CDH20: variants seen among roughly 807,000 people sequenced by gnomAD.
CDH20 encodes the protein cadherin-20.
CDH20 carries 29 observed loss-of-function variants against 74.2 expected under a neutral mutation model. That is an observed-to-expected ratio of 0.39 (90% CI 0.29 to 0.53). The LOEUF (loss-of-function observed/expected upper bound fraction) is 0.53, where lower values mean the gene tolerates loss of function less well. Among genes scored for constraint, CDH20 ranks in the 20% least tolerant of loss-of-function variants. The pLI is 0.69. For missense variants in CDH20, 988 were observed against 1,048.3 expected (o/e 0.94, Z 0.79); for synonymous variants, 469 against 405.4 (o/e 1.16, Z -1.88).
chr18:61,488,099 C>T (rs1223570155), intron 1 of CDH20, among the ~76,000 whole-genome samples: 5 of 136,048 alleles, frequency 3.7e-5, no homozygotes, highest in East Asian at 2.5e-4. Flanking sequence ...TATATATGTA[C>T]GTATATATGT....
chr18:61,418,426 C>T (rs916741360), intron 1 of CDH20, among the ~76,000 whole-genome samples: 5 of 151,786 alleles, frequency 3.3e-5, no homozygotes, highest in South Asian at 4.2e-4. Context: ...AGGTCGTGGG[C>T]GCCTGTAGTC....
intron 3 of CDH20, 102 bp downstream of exon 3, chr18:61,499,582 T>C: frequency 1.0e-6 from 1 of 978,660 alleles, no homozygotes; most frequent in South Asian, 1.8e-5. Context: ...ACACATATAT[T>C]CAGAACAGGA....
chr18:61,532,766 C>T (rs1394604014), intron 7 of CDH20, among the ~76,000 whole-genome samples: 2 of 152,160 alleles, frequency 1.3e-5, no homozygotes, highest in Non-Finnish European at 2.9e-5. Context: ...TCCAAAATTG[C>T]TGCTTCTCCG....
At chr18:61,360,172 A>T (rs62098066) in intron 1 of CDH20, among the ~76,000 whole-genome samples, 10,550 of 152,240 alleles carry the variant, frequency 0.069, 468 homozygotes, top group Non-Finnish European at 0.1. Flanking sequence ...TGGAGCCTGG[A>T]AACCCACATT....
intron 10 of CDH20, among the ~76,000 whole-genome samples, chr18:61,546,870 C>A (rs189370258): frequency 6.6e-6 from 1 of 152,188 alleles, no homozygotes; most frequent in African/African-American, 2.4e-5. Flanking sequence ...ATTTATCTCA[C>A]GAGTATCCTT....
At chr18:61,419,426 T>C (rs1369218402) in intron 1 of CDH20, among the ~76,000 whole-genome samples, 1 of 152,208 alleles carries the variant, frequency 6.6e-6, no homozygotes, top group African/African-American at 2.4e-5. Flanking sequence ...TTTGTGTATA[T>C]TCATTTGTGT....
chr18:61,384,095 C>T (rs537469613), intron 1 of CDH20, among the ~76,000 whole-genome samples: 2 of 152,248 alleles, frequency 1.3e-5, no homozygotes, highest in East Asian at 1.9e-4. Flanking sequence ...TGGTGGTTCT[C>T]GAATTTTTAC....
chr18:61,527,925 G>C, intron 6 of CDH20, 42 bp from the exon 7 acceptor site: 1 of 1,606,480 alleles, frequency 6.2e-7, no homozygotes, highest in Non-Finnish European at 8.5e-7. Flanking sequence ...TTTGAATCTT[G>C]AACCTCAGTG....
chr18:61,496,619 C>CG (rs1372237502), intron 2 of CDH20, among the ~76,000 whole-genome samples: 1 of 151,608 alleles, frequency 6.6e-6, no homozygotes, highest in African/African-American at 2.4e-5. Flanking sequence ...GCTGTCGTTT[C>CG]TTAAAGCGCT....
At chr18:61,534,061 A>T (rs1440829016) in intron 7 of CDH20, among the ~76,000 whole-genome samples, 3 of 151,916 alleles carry the variant, frequency 2.0e-5, no homozygotes, top group African/African-American at 4.8e-5. Context: ...TGACCCTGTT[A>T]AAAAAAATGT....
intron 1 of CDH20, among the ~76,000 whole-genome samples, chr18:61,373,596 A>G (rs1048393503): frequency 1.3e-5 from 2 of 152,246 alleles, no homozygotes; most frequent in South Asian, 2.1e-4. Flanking sequence ...ATATGTGTGT[A>G]TGGGACCAAG....
chr18:61,493,098 G>A (rs140508629), intron 2 of CDH20, among the ~76,000 whole-genome samples: 3 of 152,262 alleles, frequency 2.0e-5, no homozygotes, highest in Non-Finnish European at 4.4e-5. Flanking sequence ...GGAACTCAAC[G>A]CTCAGTAATA....
At chr18:61,381,102 C>G (rs1225590662) in intron 1 of CDH20, among the ~76,000 whole-genome samples, 3 of 152,128 alleles carry the variant, frequency 2.0e-5, no homozygotes, top group Admixed American at 1.3e-4. Context: ...TGCTAAAGCA[C>G]TTTTGTGCTT....
intron 7 of CDH20, among the ~76,000 whole-genome samples, chr18:61,532,001 C>T (rs564765374): frequency 6.6e-6 from 1 of 152,278 alleles, no homozygotes; most frequent in East Asian, 1.9e-4. Flanking sequence ...CGGACTAATA[C>T]TCGTATCTTT....
intron 7 of CDH20, among the ~76,000 whole-genome samples, chr18:61,535,848 T>C (rs190877616): frequency 5.9e-5 from 9 of 152,344 alleles, no homozygotes; most frequent in African/African-American, 2.2e-4. Flanking sequence ...CAGTAGGCTG[T>C]ACCCCACAAA....
At chr18:61,540,220 G>A (rs1264609770) in intron 9 of CDH20, among the ~76,000 whole-genome samples, 1 of 152,126 alleles carries the variant, frequency 6.6e-6, no homozygotes, top group Non-Finnish European at 1.5e-5. Flanking sequence ...GTGGTCCTGT[G>A]GATGCTGGTG....
At chr18:61,335,937 G>GA (rs1390662820) in intron 1 of CDH20, among the ~76,000 whole-genome samples, 1 of 152,192 alleles carries the variant, frequency 6.6e-6, no homozygotes, top group Non-Finnish European at 1.5e-5. Flanking sequence ...TTCGTTTGGG[G>GA]AGAGTTGCCG....
chr18:61,545,600 C>T (rs539426164), intron 10 of CDH20, among the ~76,000 whole-genome samples: 53 of 151,142 alleles, frequency 3.5e-4, no homozygotes, highest in Admixed American at 1.1e-3. Flanking sequence ...TCTGTAACAA[C>T]GGGAAAAATC....
At chr18:61,407,071 C>T (rs1599064053) in intron 1 of CDH20, among the ~76,000 whole-genome samples, 2 of 152,310 alleles carry the variant, frequency 1.3e-5, no homozygotes, top group Non-Finnish European at 1.5e-5. Flanking sequence ...CTTGGCAACA[C>T]CATTTGTCAC....
Sources: allele counts gnomAD v4.1 joint callset (sites outside exome capture counted in the v4.1 genomes callset), GRCh38; gene constraint gnomAD v4.1.1; transcripts MANE v1.5; gene names NCBI Gene and HGNC (gene_info 2026-07-23, HGNC 2026-07-21).